The following RARB variants were observed in gnomAD, a reference collection of about 807,000 sequenced individuals.
RARB encodes the protein HBV-activated protein.
RARB carries 17 observed loss-of-function variants against 51.9 expected under a neutral mutation model. The ratio of observed to expected loss-of-function variants is 0.33; its 90% CI spans 0.22 to 0.49. The LOEUF is 0.49. Among genes scored for constraint, RARB ranks in the 20% least tolerant of loss-of-function variants. The pLI, the probability that RARB is intolerant of heterozygous loss-of-function variation, is 0.99. For missense variants in RARB, 369 were observed against 550.8 expected, an observed-to-expected ratio of 0.67 and a Z score of 3.30; for synonymous variants, 215 against 195.4, an observed-to-expected ratio of 1.10 and a Z score of -0.84.
intron 2 of RARB, among the ~76,000 whole-genome samples, chr3:24,953,600 G>A (rs990414312): frequency 6.6e-6 from 1 of 152,162 alleles, no homozygotes; most frequent in African/African-American, 2.4e-5. Flanking sequence ...AGAGATAACT[G>A]GATGATAGAT....
At chr3:25,042,590 G>T (rs1478093644) in intron 2 of RARB, among the ~76,000 whole-genome samples, 1 of 152,164 alleles carries the variant, frequency 6.6e-6, no homozygotes, top group African/African-American at 2.4e-5. Context: ...GCTTCTGATG[G>T]GATGGGACAG....
intron 5 of RARB, among the ~76,000 whole-genome samples, chr3:25,302,334 C>T (rs186552040): frequency 6.6e-6 from 1 of 152,156 alleles, no homozygotes; most frequent in African/African-American, 2.4e-5. Context: ...AAAGTTCTTG[C>T]AGCATTATTC....
intron 2 of RARB, among the ~76,000 whole-genome samples, chr3:25,473,162 G>A (rs916841582): frequency 8.5e-5 from 13 of 152,102 alleles, no homozygotes; most frequent in African/African-American, 3.1e-4. Flanking sequence ...AATTTCTCTT[G>A]TGCCTTTTAG....
intron 1 of RARB, among the ~76,000 whole-genome samples, chr3:24,848,621 G>A (rs1702514711): frequency 6.6e-6 from 1 of 152,156 alleles, no homozygotes; most frequent in East Asian, 1.9e-4. Context: ...GTTTACAGCT[G>A]TGGCTGACCA....
chr3:25,183,025 A>C (rs1341072664), intron 5 of RARB, among the ~76,000 whole-genome samples: 1 of 152,112 alleles, frequency 6.6e-6, no homozygotes, highest in African/African-American at 2.4e-5. Flanking sequence ...CCCTGCCAGC[A>C]CCTTGGTTTT....
At chr3:24,958,260 T>TTTTTTTTTA (rs1696062971) in intron 2 of RARB, among the ~76,000 whole-genome samples, 3 of 44,836 alleles carry the variant, frequency 6.7e-5, no homozygotes, top group Non-Finnish European at 1.4e-4. Flanking sequence ...CTCAGGTTTT[T>TTTTTTTTTA]TTTTTTTTTT....
intron 1 of RARB, among the ~76,000 whole-genome samples, chr3:24,855,193 G>A (rs1198734799): frequency 6.6e-6 from 1 of 152,110 alleles, no homozygotes; most frequent in Non-Finnish European, 1.5e-5. Flanking sequence ...AAATAATGTG[G>A]TCATAGAAGG....
intron 5 of RARB, among the ~76,000 whole-genome samples, chr3:25,219,861 C>T (rs924112302): frequency 2.0e-5 from 3 of 152,146 alleles, no homozygotes; most frequent in African/African-American, 4.8e-5. Context: ...GAGAGTAAAG[C>T]GTGAGCCTTG....
intron 4 of RARB, among the ~76,000 whole-genome samples, chr3:25,154,390 C>T (rs1322414889): frequency 6.6e-6 from 1 of 152,158 alleles, no homozygotes; most frequent in Non-Finnish European, 1.5e-5. Flanking sequence ...ATCCCATGTC[C>T]AATCTATGTC....
At chr3:25,480,287 T>A (rs948193025) in intron 2 of RARB, among the ~76,000 whole-genome samples, 2 of 152,234 alleles carry the variant, frequency 1.3e-5, no homozygotes, top group African/African-American at 4.8e-5. Context: ...AGAGCACGTA[T>A]CTAGAATTTG....
chr3:25,174,699 T>G (rs1253165775), intron 5 of RARB: 2 of 954,556 alleles, frequency 2.1e-6, no homozygotes, highest in Non-Finnish European at 1.4e-6. Context: ...CTTTTGGTCT[T>G]GAATTCTACT....
intron 5 of RARB, among the ~76,000 whole-genome samples, chr3:25,338,442 C>T (rs191545128): frequency 3.9e-5 from 6 of 152,136 alleles, no homozygotes; most frequent in Non-Finnish European, 8.8e-5. Flanking sequence ...ATTCTCTTTG[C>T]CACCTTTGTA....
intron 5 of RARB, among the ~76,000 whole-genome samples, chr3:25,211,268 C>T (rs1390955821): frequency 1.1e-4 from 16 of 152,134 alleles, no homozygotes; most frequent in African/African-American, 3.1e-4. Context: ...AGTGAACTGA[C>T]AACAGGGTGA....
chr3:24,923,893 G>A (rs1287634544), intron 2 of RARB, among the ~76,000 whole-genome samples: 1 of 152,156 alleles, frequency 6.6e-6, no homozygotes, highest in African/African-American at 2.4e-5. Flanking sequence ...AGGAAGTGAA[G>A]AGGATGGTTT....
At chr3:25,267,465 T>G (rs2125409626) in intron 5 of RARB, among the ~76,000 whole-genome samples, 1 of 152,296 alleles carries the variant, frequency 6.6e-6, no homozygotes, top group Non-Finnish European at 1.5e-5. Context: ...GTCTCTATTT[T>G]TTAGTCTTTT....
At chr3:24,877,657 A>G (rs1203961061) in intron 2 of RARB, among the ~76,000 whole-genome samples, 1 of 152,132 alleles carries the variant, frequency 6.6e-6, no homozygotes, top group African/African-American at 2.4e-5. Flanking sequence ...GGAGACCTCC[A>G]AGTCTGATCT....
At position 25,569,892 on chromosome 3, in the gene RARB, C is replaced by T. The variant is rs1559472456; in HGVS notation, c.583C>T (p.Leu195Phe). ...AGCTCACCAGGAAACTTTCCCTTCACTCTGCCAGCTGGGTAAATACACCAC... is the reference window on the plus strand; with the variant it reads ...AGCTCACCAGGAAACTTTCCCTTCATTCTGCCAGCTGGGTAAATACACCAC... ...RKAHQETFPS[L>F]CQLGKYTTNS... The change falls in exon 4 of 8, where the codon CTC (leucine) becomes TTC (phenylalanine). Residue 195 changes from leucine (L) to phenylalanine (F), a missense_variant. This residue lies in a region of RARB where 49 missense variants were observed against 103.4 expected (regional missense o/e 0.47). Coordinates refer to ENST00000330688, the MANE Select transcript of RARB (RefSeq NM_000965.5). The T allele has an allele frequency of 6.2e-7, 1 of 1,614,158 alleles. No individual in the cohort carries two copies. The highest frequency in any genetic ancestry group is 8.5e-7 in the Non-Finnish European group (1 of 1,180,000).
chr3:25,165,992 A>T (rs890047440), intron 4 of RARB, among the ~76,000 whole-genome samples: 1 of 151,884 alleles, frequency 6.6e-6, no homozygotes, highest in South Asian at 2.1e-4. Flanking sequence ...TAAGCTTCTT[A>T]AAAAAAATTT....
intron 2 of RARB, among the ~76,000 whole-genome samples, chr3:25,477,802 T>G (rs77692106): frequency 0.019 from 2,854 of 152,326 alleles, 89 homozygotes; most frequent in African/African-American, 0.064. Context: ...ACTTTTTTAT[T>G]TGGCTCACAG....
Sources: gnomAD v4.1 joint callset for allele counts (sites outside exome capture counted in the v4.1 genomes callset) on GRCh38, gnomAD v4.1.1 for gene constraint, gnomAD v4.1.1 regional missense constraint, MANE v1.5 for transcripts, NCBI Gene and HGNC (gene_info 2026-07-23, HGNC 2026-07-21) for gene names.